Variants in PRMT9 observed in about 807,000 individuals in gnomAD.
The protein encoded by PRMT9 is protein arginine N-methyltransferase 9.
In PRMT9, 59 loss-of-function variants were observed where a neutral mutation model predicts 83.2. That is an observed-to-expected ratio of 0.71 (90% CI 0.57 to 0.88). The LOEUF (loss-of-function observed/expected upper bound fraction) is 0.88. PRMT9 is among the 40% of genes least tolerant of loss of function. The pLI is 0.00. For missense variants in PRMT9, 947 were observed against 1,021.9 expected (o/e 0.93, Z 1.00); for synonymous variants, 333 against 353.2 (o/e 0.94, Z 0.64).
At chr4:147,656,515 G>A (rs1388739642) in intron 8 of PRMT9, among the ~76,000 whole-genome samples, 1 of 152,030 alleles carries the variant, frequency 6.6e-6, no homozygotes, top group Non-Finnish European at 1.5e-5. Context: ...GCTCACACCT[G>A]TAATGCCAGC....
chr4:147,665,391 T>C (rs958828021), intron 6 of PRMT9, among the ~76,000 whole-genome samples: 1 of 152,226 alleles, frequency 6.6e-6, no homozygotes, highest in Non-Finnish European at 1.5e-5. Flanking sequence ...CTGCTTAAGA[T>C]ACATAGAAAT....
chr4:147,650,838 CA>C (rs1312133795), intron 9 of PRMT9, among the ~76,000 whole-genome samples: 55 of 152,294 alleles, frequency 3.6e-4, no homozygotes, highest in African/African-American at 1.2e-3. Context: ...CACGGTGGCT[CA>C]TGCCTGTAAT....
intron 1 of PRMT9, among the ~76,000 whole-genome samples, chr4:147,681,871 G>T (rs1736493026): frequency 1.3e-5 from 2 of 152,044 alleles, no homozygotes; most frequent in African/African-American, 4.8e-5. Context: ...GTTTGGGTAT[G>T]GGGAATAGAG....
intron 8 of PRMT9, among the ~76,000 whole-genome samples, chr4:147,657,504 A>G (rs535448279): frequency 6.6e-6 from 1 of 152,064 alleles, no homozygotes; most frequent in East Asian, 1.9e-4. Context: ...GGCCTGGGCA[A>G]AAGAGCGAGA....
At chr4:147,642,243 CTT>C (rs760672163) in intron 10 of PRMT9, among the ~76,000 whole-genome samples, 1 of 146,194 alleles carries the variant, frequency 6.8e-6, no homozygotes, top group Non-Finnish European at 1.5e-5. Context: ...TATCTAAAAA[CTT>C]TTTTTTTTTT....
chr4:147,670,634 T>G lies in PRMT9; in HGVS notation c.846+7A>C. The G allele has an allele frequency of 1.9e-6, 3 of 1,561,992 alleles. No individual in the cohort carries two copies. Among genetic ancestry groups the G allele is most frequent in the Non-Finnish European group, 2.6e-6 (3 of 1,132,802 alleles). On this transcript the variant is annotated splice_region_variant and intron_variant, in intron 5 of 11. Coordinates refer to ENST00000322396, the MANE Select transcript of PRMT9 (RefSeq NM_138364.4). ...TAATCAGTTGTAAGTATTTTCATACTGCTTACCTTTGGCTGTAAAAGTAAA... is the reference window on the plus strand; with the variant it reads ...TAATCAGTTGTAAGTATTTTCATACGGCTTACCTTTGGCTGTAAAAGTAAA...
chr4:147,660,290 G>A (rs1734865772), intron 7 of PRMT9, among the ~76,000 whole-genome samples: 1 of 152,120 alleles, frequency 6.6e-6, no homozygotes, highest in Non-Finnish European at 1.5e-5. Context: ...GAAAGCACCT[G>A]GCACCCTATA....
At chr4:147,646,038 T>C (rs1392623131) in intron 9 of PRMT9, among the ~76,000 whole-genome samples, 2 of 152,204 alleles carry the variant, frequency 1.3e-5, no homozygotes, top group Non-Finnish European at 2.9e-5. Flanking sequence ...GGTAGTCTGG[T>C]AGAAATTCAG....
In PRMT9 at chr4:147,638,325, AT is replaced by A; in HGVS notation, c.*206del. 1 of 579,808 alleles carries A rather than the reference AT, an allele frequency of 1.7e-6. No homozygotes were observed. The highest frequency in any genetic ancestry group is 2.1e-5 in the South Asian group (1 of 47,376). The allele number at this position is 579,808 out of a possible 1,614,324, so 35.9% of individuals were successfully genotyped here. On this transcript the variant is annotated 3_prime_UTR_variant, in exon 12 of 12. Coordinates refer to ENST00000322396, the MANE Select transcript of PRMT9 (RefSeq NM_138364.4). ...TCCTAATTTAAAAAACTAGTGATGT[AT>A]CCTTTTCCAGAAAGCAAATCTGCAG...
chr4:147,649,465 G>A (rs993282596), intron 9 of PRMT9, among the ~76,000 whole-genome samples: 3 of 151,894 alleles, frequency 2.0e-5, no homozygotes, highest in East Asian at 1.9e-4. Flanking sequence ...GCTTTCATCT[G>A]TATTTTAAAC....
At chr4:147,674,264 T>C (rs758979807) in intron 2 of PRMT9, among the ~76,000 whole-genome samples, 22 of 152,310 alleles carry the variant, frequency 1.4e-4, no homozygotes, top group South Asian at 6.2e-4. Flanking sequence ...CTGAGTTGAA[T>C]AGTCATCAAG....
At chr4:147,645,128 T>C (rs977609143) in intron 9 of PRMT9, among the ~76,000 whole-genome samples, 4 of 152,174 alleles carry the variant, frequency 2.6e-5, no homozygotes, top group Non-Finnish European at 5.9e-5. Context: ...GTAATTCATA[T>C]ACATTTCCAA....
At position 147,673,129 on chromosome 4, in the gene PRMT9, A is replaced by G. The variant is rs768349821; in HGVS notation, c.576-3T>C. ...CTCCAGCTTTTTTAGCAAACATGCT[A>G]CAAGGGAAAAAAGTTCTCCATCAAG... On this transcript the variant is annotated splice_polypyrimidine_tract_variant and splice_region_variant and intron_variant, in intron 3 of 11. Coordinates refer to ENST00000322396, the MANE Select transcript of PRMT9 (RefSeq NM_138364.4). 2.5e-6 allele frequency: 4 copies of G among 1,613,712 alleles called. No individual in the cohort carries two copies. The African/African-American group carries it at 4.0e-5, about 16-fold the overall frequency.
chr4:147,673,077 A>C lies in PRMT9; in HGVS notation c.625T>G (p.Ser209Ala), dbSNP rs781241677. The part of the protein sequence containing the change: ...GAHSVYACEL[S>A]KTMYELACDV... ...CAGGCAAGTTCATACATGGTCTTGG[A>C]TAACTCACAGGCATACACGGAATGT... is the stretch of plus-strand genomic sequence containing the variant. Residue 209 changes from serine (S) to alanine (A), a missense_variant, in exon 4 of 12, where the codon TCC becomes GCC. By Grantham distance (99) the Ser-to-Ala change is moderately conservative. Coordinates refer to ENST00000322396, the MANE Select transcript of PRMT9 (RefSeq NM_138364.4). 2 of 1,614,048 alleles carry C rather than the reference A, an allele frequency of 1.2e-6. No individual in the cohort carries two copies. Among genetic ancestry groups the C allele is most frequent in the South Asian group, 2.2e-5 (2 of 91,082 alleles).
rs1736671107 is a variant in PRMT9, at chr4:147,683,823, C to A, written c.165G>T (p.Ala55=). 6.2e-7 allele frequency: 1 copy of A among 1,611,964 alleles called. No individual in the cohort carries two copies. The highest frequency in any genetic ancestry group is 1.1e-5 in the South Asian group (1 of 91,026). Residue 55 remains alanine, a synonymous_variant, in exon 1 of 12, where the codon GCG becomes GCT. Coordinates refer to ENST00000322396, the MANE Select transcript of PRMT9 (RefSeq NM_138364.4). ...CCTTCACGTCGTGTTTCAGCTCCGGCGCCAGGCTGAGCACGAGGAGGTAGT... is the reference window on the plus strand; with the variant it reads ...CCTTCACGTCGTGTTTCAGCTCCGGAGCCAGGCTGAGCACGAGGAGGTAGT... ...YAHYLLVLSL[A]PELKHDVKET...
chr4:147,649,190 G>C (rs1027516256), intron 9 of PRMT9, among the ~76,000 whole-genome samples: 2 of 151,346 alleles, frequency 1.3e-5, no homozygotes, highest in African/African-American at 4.9e-5. Context: ...AGAGAAGAGG[G>C]AGAGAGAGAG....
intron 6 of PRMT9, among the ~76,000 whole-genome samples, chr4:147,663,757 C>T (rs887840440): frequency 1.3e-5 from 2 of 152,150 alleles, no homozygotes; most frequent in South Asian, 2.1e-4. Flanking sequence ...TCACAGTACT[C>T]GTCCTCTCAT....
intron 9 of PRMT9, among the ~76,000 whole-genome samples, chr4:147,651,195 A>G (rs1722039954): frequency 6.6e-6 from 1 of 152,052 alleles, no homozygotes; most frequent in Admixed American, 6.5e-5. Context: ...ATACAAAAAC[A>G]TGTATATTTT....
At chr4:147,659,136 G>C (rs1422428858) in intron 7 of PRMT9, among the ~76,000 whole-genome samples, 1 of 145,354 alleles carries the variant, frequency 6.9e-6, no homozygotes, top group African/African-American at 2.6e-5. Context: ...CCGAGATCAC[G>C]CCACTGCACT....
Sources: gnomAD v4.1 joint callset for allele counts (sites outside exome capture counted in the v4.1 genomes callset) on GRCh38, gnomAD v4.1.1 for gene constraint, MANE v1.5 for transcripts, NCBI Gene and HGNC (gene_info 2026-07-23, HGNC 2026-07-21) for gene names.